The following STXBP5L variants were observed in gnomAD, a reference collection of about 807,000 sequenced individuals.
STXBP5L encodes syntaxin-binding protein 5-like.
A neutral mutation model predicts 144.5 loss-of-function variants in STXBP5L; 65 were observed. The ratio of observed to expected loss-of-function variants is 0.45; its 90% CI spans 0.37 to 0.55. The LOEUF (loss-of-function observed/expected upper bound fraction) is 0.55. STXBP5L is among the 20% of genes least tolerant of loss of function. The pLI is 0.00. For missense variants in STXBP5L, 1,298 were observed against 1,405.5 expected (o/e 0.92, Z 1.22); for synonymous variants, 505 against 469.6 (o/e 1.08, Z -0.97).
chr3:120,955,638 T>C (rs1428499853), intron 3 of STXBP5L, among the ~76,000 whole-genome samples: 1 of 152,038 alleles, frequency 6.6e-6, no homozygotes, highest in Non-Finnish European at 1.5e-5. Context: ...TACAGAGATA[T>C]CCATATTCTT....
chr3:121,008,325 T>C, intron 3 of STXBP5L, among the ~76,000 whole-genome samples: 1 of 151,988 alleles, frequency 6.6e-6, no homozygotes, highest in East Asian at 1.9e-4. Context: ...AGTATCCAAG[T>C]GGTAGCCTTA....
At chr3:121,003,253 T>G (rs1943947779) in intron 3 of STXBP5L, among the ~76,000 whole-genome samples, 1 of 152,178 alleles carries the variant, frequency 6.6e-6, no homozygotes, top group Non-Finnish European at 1.5e-5. Flanking sequence ...CCATTCTAAC[T>G]GGTGTGAGAC....
At chr3:121,106,455 T>A (rs1395935919) in intron 5 of STXBP5L, among the ~76,000 whole-genome samples, 1 of 152,004 alleles carries the variant, frequency 6.6e-6, no homozygotes, top group African/African-American at 2.4e-5. Flanking sequence ...CCATGTATTC[T>A]CATTGTTCAG....
chr3:121,045,027 G>C (rs77249944), intron 4 of STXBP5L, among the ~76,000 whole-genome samples: 5 of 151,974 alleles, frequency 3.3e-5, no homozygotes, highest in Non-Finnish European at 7.4e-5. Flanking sequence ...ATTTTTATAT[G>C]ACCTGTATTC....
chr3:121,050,853 A>G, intron 5 of STXBP5L, among the ~76,000 whole-genome samples: 1 of 152,244 alleles, frequency 6.6e-6, no homozygotes, highest in Non-Finnish European at 1.5e-5. Flanking sequence ...TCATGTGCAG[A>G]GACACACATA....
intron 18 of STXBP5L, among the ~76,000 whole-genome samples, chr3:121,273,417 T>G (rs772663716): frequency 6.6e-6 from 1 of 152,122 alleles, no homozygotes; most frequent in Non-Finnish European, 1.5e-5. Flanking sequence ...AACAAGTTAC[T>G]ATTCTCTTAC....
intron 3 of STXBP5L, among the ~76,000 whole-genome samples, chr3:121,037,826 G>T (rs1021493370): frequency 1.3e-5 from 2 of 151,854 alleles, no homozygotes; most frequent in Non-Finnish European, 2.9e-5. Context: ...ATTTTAATTA[G>T]AATTCAGTTT....
intron 20 of STXBP5L, 80 bp downstream of exon 20, chr3:121,318,620 G>A (rs1213915280): frequency 9.6e-7 from 1 of 1,044,022 alleles, no homozygotes; most frequent in Non-Finnish European, 1.3e-6. Context: ...TCTTTATAAT[G>A]TGAAATTTAT....
intron 20 of STXBP5L, among the ~76,000 whole-genome samples, chr3:121,375,634 G>A (rs1395970536): frequency 1.3e-5 from 2 of 152,206 alleles, no homozygotes; most frequent in African/African-American, 4.8e-5. Flanking sequence ...CAGCATTTAA[G>A]TGTTTGATAA....
At chr3:121,086,224 C>T (rs939201352) in intron 5 of STXBP5L, among the ~76,000 whole-genome samples, 2 of 152,016 alleles carry the variant, frequency 1.3e-5, no homozygotes, top group South Asian at 2.1e-4. Flanking sequence ...TCCCTCTTGG[C>T]AGTCTTTTAG....
intron 7 of STXBP5L, among the ~76,000 whole-genome samples, chr3:121,149,535 G>A (rs2045854891): frequency 6.6e-6 from 1 of 151,834 alleles, no homozygotes; most frequent in Non-Finnish European, 1.5e-5. Flanking sequence ...AAAAAATAAA[G>A]TAGTCTCTAT....
intron 3 of STXBP5L, among the ~76,000 whole-genome samples, chr3:120,960,414 T>G (rs570986492): frequency 4.6e-5 from 7 of 152,140 alleles, no homozygotes; most frequent in Admixed American, 1.3e-4. Flanking sequence ...ACGGGGTATA[T>G]ACCGAAAGGA....
intron 20 of STXBP5L, among the ~76,000 whole-genome samples, chr3:121,346,331 T>C (rs1256463394): frequency 6.6e-6 from 1 of 152,126 alleles, no homozygotes; most frequent in Non-Finnish European, 1.5e-5. Context: ...TGTGCCACAT[T>C]TTCTTAATCC....
intron 11 of STXBP5L, among the ~76,000 whole-genome samples, chr3:121,230,211 T>G (rs1341380276): frequency 6.6e-6 from 1 of 152,214 alleles, no homozygotes; most frequent in East Asian, 1.9e-4. Flanking sequence ...TTTATACAAC[T>G]GCATATCAGG....
At chr3:121,136,492 T>A (rs1445228656) in intron 7 of STXBP5L, among the ~76,000 whole-genome samples, 6 of 152,174 alleles carry the variant, frequency 3.9e-5, no homozygotes. Context: ...ATATCACTAA[T>A]CATTAGGGAG....
intron 5 of STXBP5L, among the ~76,000 whole-genome samples, chr3:121,068,735 T>C (rs909508805): frequency 1.7e-4 from 26 of 152,150 alleles, no homozygotes; most frequent in Admixed American, 6.5e-5. Context: ...TATATTCATA[T>C]ATATTTATCA....
chr3:121,360,387 A>G (rs2045675281), intron 20 of STXBP5L, among the ~76,000 whole-genome samples: 1 of 151,710 alleles, frequency 6.6e-6, no homozygotes, highest in Admixed American at 6.6e-5. Context: ...AGTTTAATCC[A>G]TTTACTTTCA....
rs2048848297 is a variant in STXBP5L at position 121,218,113 on chromosome 3, T to C, written c.957-4890T>C. On this transcript the variant is annotated intron_variant, in intron 10 of 26. Transcript: ENST00000471454. ...ATATAGTATAATATATAATATACTA[T>C]ATAGTATAATATAATATGTAGTATA... Among the ~76,000 whole-genome samples the C allele has an allele frequency of 2.8e-5, 4 of 140,862 alleles. No homozygotes were observed. The South Asian group carries it at 8.4e-4, about 30-fold the overall frequency. 92.4% of individuals were successfully genotyped at this position (140,862 alleles called of 152,430 possible).
intron 7 of STXBP5L, among the ~76,000 whole-genome samples, chr3:121,135,451 G>T (rs1430441714): frequency 6.6e-6 from 1 of 152,098 alleles, no homozygotes; most frequent in Admixed American, 6.6e-5. Flanking sequence ...TAGAATCAGT[G>T]GGAGTGCTAA....
Sources: allele counts gnomAD v4.1 joint callset (sites outside exome capture counted in the v4.1 genomes callset), GRCh38; gene constraint gnomAD v4.1.1; transcripts MANE v1.5; gene names NCBI Gene and HGNC (gene_info 2026-07-23, HGNC 2026-07-21).